Variants in EIF4EBP1 observed in about 807,000 individuals in gnomAD.
EIF4EBP1 encodes eukaryotic translation initiation factor 4E-binding protein 1.
EIF4EBP1 carries 5 observed loss-of-function variants against 9.2 expected under a neutral mutation model. That is an observed-to-expected ratio of 0.54 (90% CI 0.28 to 1.14). The LOEUF (loss-of-function observed/expected upper bound fraction) is 1.14. EIF4EBP1 is among the 50% of genes most tolerant of loss of function. The pLI is 0.09. For synonymous variants in EIF4EBP1, 62 were observed against 67.0 expected, an observed-to-expected ratio of 0.93 and a Z score of 0.36; for missense variants, 139 against 169.6, an observed-to-expected ratio of 0.82 and a Z score of 1.00.
At chr8:38,040,503 C>T (rs1453120943) in intron 1 of EIF4EBP1, among the ~76,000 whole-genome samples, 3 of 152,152 alleles carry the variant, frequency 2.0e-5, no homozygotes, top group Non-Finnish European at 4.4e-5. Context: ...TAAACAGCAG[C>T]GATTTGTTAT....
rs191707602 is a variant in EIF4EBP1, at chr8:38,034,440, G to A, written c.145+3722G>A. Among the ~76,000 whole-genome samples the A allele has an allele frequency of 2.3e-3, 351 of 152,268 alleles. 1 individual carries two copies. Among genetic ancestry groups the A allele is most frequent in the African/African-American group, 8.0e-3 (334 of 41,566 alleles). On this transcript the variant is annotated intron_variant, in intron 1 of 2. Coordinates refer to ENST00000338825, the MANE Select transcript of EIF4EBP1 (RefSeq NM_004095.4). Reference sequence around the variant, plus strand: ...GAGTACTTAAGATAATTTAATTGCCGAAGGGAGTGTCATGTATGAATATTT... The same window carrying A: ...GAGTACTTAAGATAATTTAATTGCCAAAGGGAGTGTCATGTATGAATATTT...
intron 1 of EIF4EBP1, among the ~76,000 whole-genome samples, chr8:38,046,349 A>G (rs963273212): frequency 7.2e-5 from 11 of 152,238 alleles, no homozygotes; most frequent in South Asian, 6.2e-4. Flanking sequence ...TATCATTCCT[A>G]TATTTGGTGC....
intron 1 of EIF4EBP1, among the ~76,000 whole-genome samples, chr8:38,047,809 G>C (rs1397376708): frequency 6.6e-6 from 1 of 151,904 alleles, no homozygotes; most frequent in Non-Finnish European, 1.5e-5. Context: ...GATAAATGAG[G>C]TTTTTTTTAT....
intron 1 of EIF4EBP1, among the ~76,000 whole-genome samples, chr8:38,043,776 C>G (rs1383300030): frequency 6.6e-6 from 1 of 152,118 alleles, no homozygotes; most frequent in Non-Finnish European, 1.5e-5. Context: ...ATGTTGGGAT[C>G]TTGGTTCTCT....
chr8:38,033,907 C>T (rs966611197), intron 1 of EIF4EBP1, among the ~76,000 whole-genome samples: 6 of 151,844 alleles, frequency 4.0e-5, no homozygotes, highest in South Asian at 2.1e-4. Context: ...CGATCAAGCC[C>T]GGCTGATTTT....
At chr8:38,036,152 C>T (rs1398312126) in intron 1 of EIF4EBP1, among the ~76,000 whole-genome samples, 1 of 152,080 alleles carries the variant, frequency 6.6e-6, no homozygotes, top group Non-Finnish European at 1.5e-5. Context: ...ACCACAAACC[C>T]GGCTATTTAT....
intron 1 of EIF4EBP1, among the ~76,000 whole-genome samples, chr8:38,045,201 T>G (rs1809434427): frequency 6.6e-6 from 1 of 152,204 alleles, no homozygotes; most frequent in Non-Finnish European, 1.5e-5. Context: ...CTCTTATAAC[T>G]GAGGAATGAA....
chr8:38,059,854 C>T lies in EIF4EBP1; in HGVS notation c.326-50C>T, dbSNP rs772703307. ...AGCAATGAAAGAATGGCCTCATATA[C>T]CAAGCATTCACCCATTGTTGACCTG... On this transcript the variant is annotated intron_variant, in intron 2 of 2. Coordinates refer to ENST00000338825, the MANE Select transcript of EIF4EBP1 (RefSeq NM_004095.4). 9.0e-6 allele frequency: 14 copies of T among 1,552,548 alleles called. No individual in the cohort carries two copies. In the Admixed American group the frequency reaches 2.3e-4, roughly 26 times the overall value.
At position 38,060,053 on chromosome 8, in the gene EIF4EBP1, G is replaced by C. The variant is rs551875202; in HGVS notation, c.*118G>C. 9.7e-7 allele frequency: 1 copy of C among 1,027,448 alleles called. No individual in the cohort carries two copies. Among genetic ancestry groups the C allele is most frequent in the Non-Finnish European group, 1.5e-6 (1 of 653,592 alleles). The allele number at this position is 1,027,448 out of a possible 1,614,324, so 63.6% of individuals were successfully genotyped here. On this transcript the variant is annotated 3_prime_UTR_variant, in exon 3 of 3. Transcript: ENST00000338825. ...CTGGGCAGGCGTTGGCGTGGGGTCG[G>C]ACACCCCAGCCCTTTCTCCCTCACT... is the stretch of plus-strand genomic sequence containing the variant.
intron 1 of EIF4EBP1, among the ~76,000 whole-genome samples, chr8:38,042,926 GT>G (rs1159443355): frequency 1.5e-4 from 23 of 152,150 alleles, no homozygotes; most frequent in African/African-American, 5.1e-4. Context: ...TTACCCAGGC[GT>G]GGTGGCAGGT....
At chr8:38,044,455 T>G (rs963323151) in intron 1 of EIF4EBP1, among the ~76,000 whole-genome samples, 1 of 152,176 alleles carries the variant, frequency 6.6e-6, no homozygotes, top group African/African-American at 2.4e-5. Flanking sequence ...TTTTATTTTG[T>G]AGAGACAGGG....
At chr8:38,051,627 C>T (rs752375989) in intron 1 of EIF4EBP1, among the ~76,000 whole-genome samples, 5 of 151,952 alleles carry the variant, frequency 3.3e-5, no homozygotes, top group African/African-American at 9.7e-5. Context: ...GTGACAGAGT[C>T]GTGCTCTGTC....
At chr8:38,041,906 C>G (rs1490139470) in intron 1 of EIF4EBP1, among the ~76,000 whole-genome samples, 1 of 152,026 alleles carries the variant, frequency 6.6e-6, no homozygotes, top group Non-Finnish European at 1.5e-5. Flanking sequence ...GCAGGAGGAT[C>G]TCTGGAGCCC....
At chr8:38,053,612 C>T (rs1167227198) in intron 1 of EIF4EBP1, among the ~76,000 whole-genome samples, 1 of 152,192 alleles carries the variant, frequency 6.6e-6, no homozygotes, top group East Asian at 1.9e-4. Context: ...ATGTTCATAG[C>T]AGCATGATTC....
chr8:38,049,918 CT>C (rs33909903), intron 1 of EIF4EBP1, among the ~76,000 whole-genome samples: 106,918 of 145,360 alleles, frequency 0.74, 39,099 homozygotes, highest in Middle Eastern at 0.86. Context: ...TTTCTTTTTT[CT>C]TTTTTTTTTT....
At chr8:38,050,953 G>A (rs1809512300) in intron 1 of EIF4EBP1, among the ~76,000 whole-genome samples, 2 of 152,136 alleles carry the variant, frequency 1.3e-5, no homozygotes. Context: ...TGAAGCAGGG[G>A]AGAGGAGAGG....
chr8:38,052,350 T>C (rs1178227794), intron 1 of EIF4EBP1, among the ~76,000 whole-genome samples: 1 of 151,216 alleles, frequency 6.6e-6, no homozygotes, highest in Non-Finnish European at 1.5e-5. Context: ...AGCCTCAATC[T>C]CTCAGGCTCA....
At chr8:38,057,682 A>G (rs1404605657) in intron 2 of EIF4EBP1, among the ~76,000 whole-genome samples, 1 of 152,194 alleles carries the variant, frequency 6.6e-6, no homozygotes, top group Non-Finnish European at 1.5e-5. Flanking sequence ...GGGAAATTAT[A>G]TGTCTACAAG....
chr8:38,033,514 A>G (rs1390364063), intron 1 of EIF4EBP1, among the ~76,000 whole-genome samples: 2 of 151,728 alleles, frequency 1.3e-5, no homozygotes, highest in Admixed American at 1.3e-4. Flanking sequence ...ATCCAGGTAA[A>G]CTTTGATCTC....
Sources: gnomAD v4.1 joint callset for allele counts (sites outside exome capture counted in the v4.1 genomes callset) on GRCh38, gnomAD v4.1.1 for gene constraint, MANE v1.5 for transcripts, NCBI Gene and HGNC (gene_info 2026-07-23, HGNC 2026-07-21) for gene names.